The following CHADL variants were observed in gnomAD, a reference collection of about 807,000 sequenced individuals.
The protein encoded by CHADL is chondroadherin-like protein.
A neutral mutation model predicts 52.1 loss-of-function variants in CHADL; 48 were observed. That is an observed-to-expected ratio of 0.92 (90% CI 0.73 to 1.17). The LOEUF is 1.17. Among genes scored for constraint, CHADL ranks in the 50% most tolerant of loss-of-function variants. The pLI is 0.00. For missense variants in CHADL, 977 were observed against 1,035.1 expected (o/e 0.94, Z 0.77); for synonymous variants, 498 against 511.2 (o/e 0.97, Z 0.35).
chr22:41,235,378 C>G (rs2032722618), intron 4 of CHADL, 35 bp from the exon 5 acceptor site: 1 of 1,528,318 alleles, frequency 6.5e-7, no homozygotes, highest in African/African-American at 1.4e-5. Flanking sequence ...GCTAGCTGTG[C>G]TGATTCTGCT....
At chr22:41,233,496 GAC>G (rs2032675824) in intron 5 of CHADL, among the ~76,000 whole-genome samples, 1 of 152,126 alleles carries the variant, frequency 6.6e-6, no homozygotes, top group Non-Finnish European at 1.5e-5. Flanking sequence ...TTTGGGCAGA[GAC>G]AGATTATAGA....
Position 41,233,670 on chromosome 22 carries a change from C to G in CHADL, c.2262+1475G>C, listed in dbSNP as rs200268817. Among the ~76,000 whole-genome samples, 58 of 152,262 alleles carry G rather than the reference C, an allele frequency of 3.8e-4. No individual in the cohort carries two copies. In the East Asian group the frequency reaches 0.011, roughly 29 times the overall value. ...GCACTACCGGTTCCAGAGAGCACGC[C>G]CCTGCCAACACCTCAACGGCTGACC... On this transcript the variant is annotated intron_variant, in intron 5 of 5. Coordinates refer to ENST00000216241, the MANE Select transcript of CHADL (RefSeq NM_138481.2).
intron 5 of CHADL, 126 bp downstream of exon 5, chr22:41,235,018 TG>T: frequency 1.0e-6 from 1 of 966,424 alleles, no homozygotes; most frequent in Non-Finnish European, 1.5e-6. Flanking sequence ...CTGACGCAAC[TG>T]GGTCATTGCC....
At position 41,229,594 on chromosome 22, in the gene CHADL, C is replaced by G. The variant is rs371211871; in HGVS notation, c.*110G>C. On this transcript the variant is annotated 3_prime_UTR_variant, in exon 6 of 6. Transcript: ENST00000216241. ...CCCCTCAGACAGGGGTCCAAGAAGC[C>G]CCTGCTGGAGGACGACCCTCAGGGT... The G allele has an allele frequency of 6.2e-7, 1 of 1,613,746 alleles. No homozygotes were observed. Among genetic ancestry groups the G allele is most frequent in the Admixed American group, 1.7e-5 (1 of 60,026 alleles).
intron 1 of CHADL, 137 bp downstream of exon 1, chr22:41,240,737 C>A: frequency 9.9e-7 from 1 of 1,009,708 alleles, no homozygotes; most frequent in Non-Finnish European, 1.5e-6. Context: ...TTGGGAGACC[C>A]CCTTCCTGGA....
At chr22:41,230,216 T>A (rs2032504816) in intron 5 of CHADL, 2 of 1,613,204 alleles carry the variant, frequency 1.2e-6, no homozygotes, top group African/African-American at 2.7e-5. Flanking sequence ...GCTGCCTGTC[T>A]CCGTCGAGAA....
chr22:41,231,469 G>A (rs564612036), intron 5 of CHADL, among the ~76,000 whole-genome samples: 3 of 128,666 alleles, frequency 2.3e-5, no homozygotes, highest in Admixed American at 2.2e-4. Context: ...TCTCCCCAAA[G>A]ACTGTGAGTT....
At chr22:41,231,043 T>A (rs1275494057) in intron 5 of CHADL, 1 of 152,226 alleles carries the variant, frequency 6.6e-6, no homozygotes, top group South Asian at 2.1e-4. Flanking sequence ...CCAAGATTCC[T>A]TTGTAGTTAA....
chr22:41,233,687 C>T lies in CHADL; in HGVS notation c.2262+1458G>A, dbSNP rs557380233. On this transcript the variant is annotated intron_variant, in intron 5 of 5. Transcript: ENST00000216241. ...GAGCACGCCCCTGCCAACACCTCAA[C>T]GGCTGACCCCTAGCCTACAGAAGCT... is the stretch of plus-strand genomic sequence containing the variant. 4.6e-5 allele frequency among the ~76,000 whole-genome samples: 7 copies of T among 152,310 alleles called. No homozygotes were observed. In the South Asian group the frequency reaches 8.3e-4, roughly 18 times the overall value.
At chr22:41,239,752 G>T in intron 1 of CHADL, 132 bp from the exon 2 acceptor site, 2 of 797,554 alleles carry the variant, frequency 2.5e-6, no homozygotes, top group Non-Finnish European at 3.8e-6. Flanking sequence ...CCAGGAAAGT[G>T]CCAATCACCC....
rs1013792107 is a variant in CHADL at position 41,236,765 on chromosome 22, G to A, written c.1897-115C>T. 5.6e-6 allele frequency: 6 copies of A among 1,077,546 alleles called. No individual in the cohort carries two copies. The African/African-American group carries it at 9.6e-5, about 17-fold the overall frequency. 66.7% of individuals were successfully genotyped at this position (1,077,546 alleles called of 1,614,324 possible). A position where few individuals can be genotyped will look rare whatever the true frequency, so the allele number is the denominator to read the frequency against. On this transcript the variant is annotated intron_variant, in intron 3 of 5. Transcript: ENST00000216241. ...AAGAGAAGCTGGAGAGCCCAAGCTGGTCCAGCCAGGAAGTGCAGCGCTGGG... is the reference window on the plus strand; with the variant it reads ...AAGAGAAGCTGGAGAGCCCAAGCTGATCCAGCCAGGAAGTGCAGCGCTGGG...
intron 3 of CHADL, among the ~76,000 whole-genome samples, 161 bp from the exon 4 acceptor site, chr22:41,236,811 A>G: frequency 6.6e-6 from 1 of 152,216 alleles, no homozygotes; most frequent in East Asian, 1.9e-4. Context: ...GGCTGGTCTG[A>G]TGTCAAAACA....
At position 41,238,024 on chromosome 22, in the gene CHADL, G is replaced by A. The variant is rs886455794; in HGVS notation, c.1048C>T (p.Leu350=). ...GGGCAGCGCAGGTCCCAGGGCCGCA[G>A]GGCGTCCAGAGCCTCGCCCCGCAGG... ...RRLRGEALDA[L]RPWDLRCPGD... Residue 350 remains leucine (L), a synonymous_variant, in exon 3 of 6, where the codon CTG becomes TTG. Transcript: ENST00000216241. This position sits in a 1 kb window ranked among gnomAD's most constrained non-coding sequence, Gnocchi z 4.9. 3 of 1,283,992 alleles carry A rather than the reference G, an allele frequency of 2.3e-6. No individual in the cohort carries two copies. In the African/African-American group the frequency reaches 4.7e-5, roughly 20 times the overall value. 79.5% of individuals were successfully genotyped at this position (1,283,992 alleles called of 1,614,324 possible). A position where few individuals can be genotyped will look rare whatever the true frequency, so the allele number is the denominator to read the frequency against.
In CHADL at chr22:41,239,445, C is replaced by G. The variant is rs2032822377; in HGVS notation, c.184G>C (p.Glu62Gln). 3 of 1,550,576 alleles carry G rather than the reference C, an allele frequency of 1.9e-6. No homozygotes were observed. In the South Asian group the frequency reaches 3.6e-5, roughly 18 times the overall value. ...NLTEVPDAIP[E>Q]LTQRLDLQGN... The stretch of plus-strand genomic sequence containing the variant: ...GCCTGTGCTCCTGCCCTGCTGACCT[C>G]AGGGATGGCGTCTGGCACCTCAGTG... The change falls in exon 2 of 6, where the codon GAG becomes CAG. Residue 62 changes from glutamate to glutamine, a missense_variant and splice_region_variant. Glu to Gln is a conservative substitution (Grantham distance 29, BLOSUM62 2). Transcript: ENST00000216241.
At chr22:41,229,893 C>T (rs372320669) in intron 5 of CHADL, among the ~76,000 whole-genome samples, 163 bp from the exon 6 acceptor site, 8 of 152,300 alleles carry the variant, frequency 5.3e-5, no homozygotes, top group African/African-American at 1.9e-4. Context: ...CCATCTCTAC[C>T]CCTACCTCTA....
intron 5 of CHADL, among the ~76,000 whole-genome samples, chr22:41,232,401 T>C (rs1210281249): frequency 6.6e-6 from 1 of 151,960 alleles, no homozygotes; most frequent in Non-Finnish European, 1.5e-5. Flanking sequence ...GTCTGCCAGA[T>C]GACCTAGTCG....
rs756713343 is a variant in CHADL at position 41,235,155 on chromosome 22, C to G, written c.2252G>C (p.Gly751Ala). Residue 751 changes from glycine (G) to alanine (A), a missense_variant, in exon 5 of 6, where the codon GGA (glycine) becomes GCA (alanine). Coordinates refer to ENST00000216241, the MANE Select transcript of CHADL (RefSeq NM_138481.2). ...RRTPIKGRQC[G>A]ADKVGKEKGR... ...TGCCCCATGGCCAACCTTATCTGCT[C>G]CACACTGTCTTCCTTTGATGGGGGT... The G allele has an allele frequency of 1.3e-6, 2 of 1,551,378 alleles. No individual in the cohort carries two copies. Among genetic ancestry groups the G allele is most frequent in the Non-Finnish European group, 1.7e-6 (2 of 1,147,018 alleles).
At position 41,236,481 on chromosome 22, in the gene CHADL, C is replaced by CACCT; in HGVS notation, c.2062_2063+2dup. 1 of 1,550,476 alleles carries CACCT rather than the reference C, an allele frequency of 6.4e-7. No homozygotes were observed. The highest frequency in any genetic ancestry group is 8.7e-7 in the Non-Finnish European group (1 of 1,146,726). On this transcript the variant is annotated splice_region_variant and intron_variant, in intron 4 of 5. Coordinates refer to ENST00000216241, the MANE Select transcript of CHADL (RefSeq NM_138481.2). Reference sequence around the variant, plus strand: ...GGCTGGAGGTCTAGGTGGGGGTGCCCACCTGTGCAGCGGAAGCAGCTGGCA... The same window carrying CACCT: ...GGCTGGAGGTCTAGGTGGGGGTGCCCACCTACCTGTGCAGCGGAAGCAGCTGGCA...
Position 41,229,669 on chromosome 22 carries a change from G to T in CHADL, c.*35C>A. 1 of 1,613,072 alleles carries T rather than the reference G, an allele frequency of 6.2e-7. No homozygotes were observed. ...GTTCCTGGCGAGAGTAAGAGCCACC[G>T]GGCTGGGTCAAGGCAGGACCAGCCT... On this transcript the variant is annotated 3_prime_UTR_variant, in exon 6 of 6. Coordinates refer to ENST00000216241, the MANE Select transcript of CHADL (RefSeq NM_138481.2).
Sources: allele counts gnomAD v4.1 joint callset (sites outside exome capture counted in the v4.1 genomes callset), GRCh38; gene constraint gnomAD v4.1.1; non-coding constraint Gnocchi (gnomAD v3.1); transcripts MANE v1.5; gene names NCBI Gene and HGNC (gene_info 2026-07-23, HGNC 2026-07-21).